The following KDM1B variants were observed in gnomAD, a reference collection of about 807,000 sequenced individuals.
The protein encoded by KDM1B is lysine demethylase 1B.
KDM1B carries 63 observed loss-of-function variants against 107.4 expected under a neutral mutation model. That is an observed-to-expected ratio of 0.59 (90% CI 0.48 to 0.72). The LOEUF (loss-of-function observed/expected upper bound fraction) is 0.72. Ranked by LOEUF, KDM1B falls within the 30% of genes least tolerant of loss-of-function variation. The pLI, the probability that KDM1B is intolerant of heterozygous loss-of-function variation, is 0.00. For missense variants in KDM1B, 749 were observed against 1,020.8 expected (o/e 0.73, Z 3.63); for synonymous variants, 363 against 363.9 (o/e 1.00, Z 0.03).
chr6:18,188,907 C>G (rs913322448), intron 9 of KDM1B, among the ~76,000 whole-genome samples: 6 of 152,150 alleles, frequency 3.9e-5, no homozygotes, highest in African/African-American at 1.4e-4. Flanking sequence ...CCTCAGTCTC[C>G]CGAGTAGCTG....
intron 7 of KDM1B, among the ~76,000 whole-genome samples, chr6:18,175,397 G>A (rs1785927441): frequency 6.6e-6 from 1 of 152,164 alleles, no homozygotes; most frequent in African/African-American, 2.4e-5. Context: ...TTTGTCAGAT[G>A]TATAGGTTGT....
chr6:18,164,437 G>A (rs1785161808), intron 5 of KDM1B, among the ~76,000 whole-genome samples: 1 of 151,882 alleles, frequency 6.6e-6, no homozygotes, highest in Non-Finnish European at 1.5e-5. Flanking sequence ...CACCACGCCT[G>A]GCCGTCATGT....
intron 9 of KDM1B, 131 bp downstream of exon 9, chr6:18,188,133 C>T: frequency 1.2e-6 from 1 of 825,314 alleles, no homozygotes; most frequent in Non-Finnish European, 1.9e-6. Context: ...GCCTGTAATC[C>T]CAGCACTTTG....
chr6:18,157,808 C>CTTTTTTTTTT (rs67631382), intron 2 of KDM1B, among the ~76,000 whole-genome samples: 7 of 115,622 alleles, frequency 6.1e-5, no homozygotes, highest in South Asian at 3.0e-4. Context: ...GTAGATAGTC[C>CTTTTTTTTTT]TTTTTTTTTT....
chr6:18,180,983 T>C (rs1204317848), intron 7 of KDM1B, among the ~76,000 whole-genome samples: 1 of 152,280 alleles, frequency 6.6e-6, no homozygotes, highest in East Asian at 1.9e-4. Flanking sequence ...TTGACTTTAC[T>C]AATTGTTTAA....
intron 7 of KDM1B, 59 bp from the exon 8 acceptor site, chr6:18,185,713 G>A: frequency 1.4e-6 from 2 of 1,405,128 alleles, no homozygotes; most frequent in Admixed American, 3.4e-5. Context: ...AAGATAAATG[G>A]ATACCTGAGA....
rs1171891389 is a variant in KDM1B at position 18,201,477 on chromosome 6, A to G, written c.1360-9A>G. 8.4e-6 allele frequency: 13 copies of G among 1,542,526 alleles called. No homozygotes were observed. The highest frequency in any genetic ancestry group is 1.1e-5 in the Non-Finnish European group (13 of 1,143,778). ...AAATTTTCACCTTCTTATTCTTATT[A>G]TTTTGAAGCTTGGCATCAGCATGCA... On this transcript the variant is annotated splice_polypyrimidine_tract_variant and intron_variant, in intron 13 of 21. Coordinates refer to ENST00000650836, the MANE Select transcript of KDM1B (RefSeq NM_001364614.2). The surrounding 1 kb of genome is among the most constrained non-coding windows in gnomAD (Gnocchi z 4.3).
rs763774919 is a variant in KDM1B, at chr6:18,212,588, C to T, written c.1967C>T (p.Ala656Val). 6.2e-7 allele frequency: 1 copy of T among 1,612,226 alleles called. No individual in the cohort carries two copies. The highest frequency in any genetic ancestry group is 8.5e-7 in the Non-Finnish European group (1 of 1,178,198). Residue 656 changes from alanine (A) to valine (V), a missense_variant, in exon 18 of 22, where the codon GCA (alanine) becomes GTA (valine). Ala to Val is a moderately conservative substitution (Grantham distance 64). Transcript: ENST00000650836. This position sits in a 1 kb window ranked among gnomAD's most constrained non-coding sequence, Gnocchi z 5.2. ...KKMKAINSLGAGIIEKIALQF... is the reference protein window; with the variant it reads ...KKMKAINSLGVGIIEKIALQF... The stretch of plus-strand genomic sequence containing the variant: ...ATGAAGGCTATCAACAGCTTAGGCG[C>T]AGGCATCATTGAAAAGGTGACTGAA...
Position 18,162,925 on chromosome 6 carries a change from G to A in KDM1B, c.305+1G>A. 3 of 1,578,130 alleles carry A rather than the reference G, an allele frequency of 1.9e-6. No homozygotes were observed. Among genetic ancestry groups the A allele is most frequent in the South Asian group, 1.1e-5 (1 of 90,318 alleles). On this transcript the variant is annotated splice_donor_variant, in intron 5 of 21. Coordinates refer to ENST00000650836, the MANE Select transcript of KDM1B (RefSeq NM_001364614.2). LOFTEE classifies it high-confidence loss of function. This position sits in a 1 kb window ranked among gnomAD's most constrained non-coding sequence, Gnocchi z 4.1. The stretch of plus-strand genomic sequence containing the variant: ...AATGCTTTGACCATTACTACAGAAG[G>A]TATGTTCACTAATTGTGTGAGGTTT...
chr6:18,219,734 T>A (rs1006788465), intron 21 of KDM1B, among the ~76,000 whole-genome samples: 9 of 152,214 alleles, frequency 5.9e-5, no homozygotes, highest in South Asian at 2.1e-4. Context: ...GGCATTTTTT[T>A]AAAAGCTTTG....
At position 18,204,915 on chromosome 6, in the gene KDM1B, C is replaced by A. The variant is rs1466697055; in HGVS notation, c.1532-622C>A. Among the ~76,000 whole-genome samples, 1 of 152,198 alleles carries A rather than the reference C, an allele frequency of 6.6e-6. No homozygotes were observed. Among genetic ancestry groups the A allele is most frequent in the Non-Finnish European group, 1.5e-5 (1 of 68,038 alleles). The stretch of plus-strand genomic sequence containing the variant: ...CAGCAGAGCCTGCGAGTGGGCAGAT[C>A]GTAGCTGCTGCCTTTGGAAAGATTA... On this transcript the variant is annotated intron_variant, in intron 14 of 21. Coordinates refer to ENST00000650836, the MANE Select transcript of KDM1B (RefSeq NM_001364614.2). This position sits in a 1 kb window ranked among gnomAD's most constrained non-coding sequence, Gnocchi z 4.9.
intron 17 of KDM1B, among the ~76,000 whole-genome samples, chr6:18,208,801 C>T (rs753322802): frequency 4.0e-4 from 56 of 140,066 alleles, no homozygotes; most frequent in Middle Eastern, 7.1e-3. Context: ...CCCGCCATCA[C>T]GCCTGGCTAA....
intron 5 of KDM1B, 131 bp from the exon 6 acceptor site, chr6:18,166,136 T>C (rs1270178366): frequency 1.7e-6 from 1 of 581,956 alleles, no homozygotes; most frequent in Non-Finnish European, 3.1e-6. Context: ...ATAATAACTT[T>C]CTCTACTTTT....
In KDM1B at chr6:18,162,828, T is replaced by C. The variant is rs1206006000; in HGVS notation, c.216-7T>C. 4 of 1,547,116 alleles carry C rather than the reference T, an allele frequency of 2.6e-6. No individual in the cohort carries two copies. Among genetic ancestry groups the C allele is most frequent in the Non-Finnish European group, 3.6e-6 (4 of 1,119,156 alleles). On this transcript the variant is annotated splice_region_variant and splice_polypyrimidine_tract_variant and intron_variant, in intron 4 of 21. Transcript: ENST00000650836. This position sits in a 1 kb window ranked among gnomAD's most constrained non-coding sequence, Gnocchi z 4.1. ...TACCAAAGCTATATGTTTTTCACTA[T>C]TTTCAGATGTGCCAAAAATGGCTAC...
intron 21 of KDM1B, among the ~76,000 whole-genome samples, chr6:18,220,320 A>C (rs1789586059): frequency 6.6e-6 from 1 of 152,192 alleles, no homozygotes; most frequent in South Asian, 2.1e-4. Flanking sequence ...TTGCTGAGAC[A>C]GGTGTATCAC....
chr6:18,196,449 A>G (rs748254091), intron 10 of KDM1B, among the ~76,000 whole-genome samples: 22 of 151,844 alleles, frequency 1.4e-4, no homozygotes, highest in Non-Finnish European at 2.4e-4. Context: ...CCAACAGTGA[A>G]TAAGGGTTCT....
rs373380702 is a variant in KDM1B, at chr6:18,159,955, C to G, written c.60C>G (p.Ser20Arg). The G allele has an allele frequency of 1.9e-6, 3 of 1,608,308 alleles. No homozygotes were observed. In the African/African-American group the frequency reaches 4.0e-5, roughly 22 times the overall value. Residue 20 changes from serine to arginine, a missense_variant, in exon 3 of 22, where the codon AGC (serine) becomes AGG (arginine). Ser to Arg is a moderately radical substitution (Grantham distance 110). Transcript: ENST00000650836. The surrounding 1 kb of genome is among the most constrained non-coding windows in gnomAD (Gnocchi z 4.5). ...KKASFDHSPDSLPLRSSGRQA... is the reference protein window; with the variant it reads ...KKASFDHSPDRLPLRSSGRQA... ...CATCTTTTGATCATTCTCCGGATAG[C>G]CTTCCTTTGAGGAGCTCCGGTAGGC...
Position 18,197,131 on chromosome 6 carries a change from A to G in KDM1B, c.1044A>G (p.Glu348=), listed in dbSNP as rs1363604059. The G allele has an allele frequency of 6.2e-7, 1 of 1,614,010 alleles. No homozygotes were observed. Among genetic ancestry groups the G allele is most frequent in the Non-Finnish European group, 8.5e-7 (1 of 1,180,024 alleles). Reference sequence around the variant, plus strand: ...TCGTGCGTATTCGATGCGTTCAGGAAGTGGAGAGAATACTGTATTTTATGA... The same window carrying G: ...TCGTGCGTATTCGATGCGTTCAGGAGGTGGAGAGAATACTGTATTTTATGA... ...RGLVRIRCVQ[E]VERILYFMTR... The change falls in exon 11 of 22, where the codon GAA becomes GAG. Residue 348 remains glutamate, a synonymous_variant. Coordinates refer to ENST00000650836, the MANE Select transcript of KDM1B (RefSeq NM_001364614.2). This position sits in a 1 kb window ranked among gnomAD's most constrained non-coding sequence, Gnocchi z 4.5.
intron 7 of KDM1B, 72 bp from the exon 8 acceptor site, chr6:18,185,700 T>C (rs1241695547): frequency 7.1e-6 from 9 of 1,273,838 alleles, no homozygotes; most frequent in Admixed American, 1.7e-5. Context: ...AGATATCTTA[T>C]TGAAGATAAA....
Sources: allele counts gnomAD v4.1 joint callset (sites outside exome capture counted in the v4.1 genomes callset), GRCh38; gene constraint gnomAD v4.1.1; non-coding constraint Gnocchi (gnomAD v3.1); transcripts MANE v1.5; gene names NCBI Gene and HGNC (gene_info 2026-07-23, HGNC 2026-07-21).